DYNLT2B: variants seen among roughly 807,000 people sequenced by gnomAD.
The protein encoded by DYNLT2B is dynein light chain Tctex-type protein 2B.
DYNLT2B carries 14 observed loss-of-function variants against 19.5 expected under a neutral mutation model. The ratio of observed to expected loss-of-function variants is 0.72; its 90% CI spans 0.47 to 1.12. The LOEUF (loss-of-function observed/expected upper bound fraction) is 1.12. Ranked by LOEUF, DYNLT2B falls within the 50% of genes most tolerant of loss-of-function variation. The pLI is 0.00. For synonymous variants in DYNLT2B, 70 were observed against 59.7 expected, an observed-to-expected ratio of 1.17 and a Z score of -0.79; for missense variants, 133 against 174.7, an observed-to-expected ratio of 0.76 and a Z score of 1.35.
chr3:196,300,416 A>C (rs764183098), intron 3 of DYNLT2B, among the ~76,000 whole-genome samples: 16 of 152,214 alleles, frequency 1.1e-4, no homozygotes, highest in African/African-American at 3.6e-4. Context: ...CTTGGTTGAA[A>C]GACTTGGAGG....
rs1324704339 is a variant in DYNLT2B at position 196,293,770 on chromosome 3, G to A, written c.381+2236C>T. Among the ~76,000 whole-genome samples, 188 of 145,480 alleles carry A rather than the reference G, an allele frequency of 1.3e-3. 3 individuals are homozygous for A. Among genetic ancestry groups the A allele is most frequent in the Non-Finnish European group, 4.0e-4 (27 of 66,678 alleles). Reference sequence around the variant, plus strand: ...AGCAATTCTCCTGCCTCAGCCTCCCGAGTAGCTGGGATTACAGGCACCCAA... The same window carrying A: ...AGCAATTCTCCTGCCTCAGCCTCCCAAGTAGCTGGGATTACAGGCACCCAA... On this transcript the variant is annotated intron_variant, in intron 4 of 4. Coordinates refer to ENST00000325318, the MANE Select transcript of DYNLT2B (RefSeq NM_152773.5).
At chr3:196,302,048 G>A (rs947116204) in intron 3 of DYNLT2B, among the ~76,000 whole-genome samples, 2 of 150,780 alleles carry the variant, frequency 1.3e-5, no homozygotes, top group Non-Finnish European at 3.0e-5. Flanking sequence ...TGAAGGTTGC[G>A]ATGAGTCGAG....
intron 3 of DYNLT2B, among the ~76,000 whole-genome samples, chr3:196,298,459 G>A (rs1315705140): frequency 6.6e-6 from 1 of 151,804 alleles, no homozygotes; most frequent in Non-Finnish European, 1.5e-5. Flanking sequence ...GACTACACAC[G>A]TGCATTACCA....
At chr3:196,302,238 T>C (rs1726375479) in intron 3 of DYNLT2B, among the ~76,000 whole-genome samples, 1 of 150,362 alleles carries the variant, frequency 6.7e-6, no homozygotes, top group African/African-American at 2.5e-5. Context: ...GAGAGCGGAG[T>C]GGAAGGGGCA....
chr3:196,298,162 CT>C, intron 3 of DYNLT2B: 2 of 367,474 alleles, frequency 5.4e-6, no homozygotes, highest in Non-Finnish European at 1.1e-5. Flanking sequence ...GACGATTTGG[CT>C]TTTGTTTCTT....
chr3:196,299,470 G>C (rs916153997), intron 3 of DYNLT2B, among the ~76,000 whole-genome samples: 2 of 152,010 alleles, frequency 1.3e-5, no homozygotes, highest in African/African-American at 4.8e-5. Flanking sequence ...CAATCTGCCC[G>C]CCTTGGCCTT....
chr3:196,305,965 G>A (rs1726474399), intron 3 of DYNLT2B, among the ~76,000 whole-genome samples: 1 of 151,040 alleles, frequency 6.6e-6, no homozygotes, highest in South Asian at 2.1e-4. Flanking sequence ...GTTCTAGTCT[G>A]TAGTGTGTTA....
intron 3 of DYNLT2B, among the ~76,000 whole-genome samples, chr3:196,297,749 G>T (rs1222433964): frequency 6.6e-6 from 1 of 152,014 alleles, no homozygotes; most frequent in African/African-American, 2.4e-5. Flanking sequence ...GAGAAATTAA[G>T]TGTACAAGGT....
intron 4 of DYNLT2B, among the ~76,000 whole-genome samples, chr3:196,293,135 TG>T (rs1460784346): frequency 6.6e-6 from 1 of 151,682 alleles, no homozygotes; most frequent in Non-Finnish European, 1.5e-5. Flanking sequence ...ATTACAGGCG[TG>T]AGCCACCACA....
intron 2 of DYNLT2B, chr3:196,315,230 G>A (rs766583260): frequency 6.7e-5 from 28 of 416,242 alleles, no homozygotes; most frequent in Middle Eastern, 3.5e-4. Flanking sequence ...TTCTATTTAC[G>A]TTTTTTTAAT....
At chr3:196,292,298 C>T (rs1009650072) in intron 4 of DYNLT2B, 2 of 152,254 alleles carry the variant, frequency 1.3e-5, no homozygotes, top group African/African-American at 4.8e-5. Flanking sequence ...AACCTCACCT[C>T]CAGCCTGGTA....
Position 196,311,025 on chromosome 3 carries a change from G to A in DYNLT2B, c.248-4013C>T, listed in dbSNP as rs147812424. Among the ~76,000 whole-genome samples, 1,195 of 151,996 alleles carry A rather than the reference G, an allele frequency of 7.9e-3. 10 individuals carry two copies. The highest frequency in any genetic ancestry group is 0.02 in the Middle Eastern group (6 of 294). ...TGCTGGGATTACAGGTGTGAGCCAC[G>A]GCACCCAGCCTCAATCAGGTTATTA... On this transcript the variant is annotated intron_variant, in intron 2 of 4. Transcript: ENST00000325318.
At chr3:196,314,676 G>C (rs1355818485) in intron 2 of DYNLT2B, among the ~76,000 whole-genome samples, 3 of 151,510 alleles carry the variant, frequency 2.0e-5, no homozygotes, top group African/African-American at 7.3e-5. Flanking sequence ...TAAAAAATTA[G>C]CCAAGCACGG....
rs1018363075 is a variant in DYNLT2B at position 196,318,214 on chromosome 3, C to A, written c.-62G>T. The A allele has an allele frequency of 6.0e-6, 6 of 1,002,648 alleles. No individual in the cohort carries two copies. Among genetic ancestry groups the A allele is most frequent in the Admixed American group, 3.3e-5 (1 of 29,990 alleles). 62.1% of individuals were successfully genotyped at this position (1,002,648 alleles called of 1,614,324 possible). A position where few individuals can be genotyped will look rare whatever the true frequency, so the allele number is the denominator to read the frequency against. Reference sequence around the variant, plus strand: ...AGGCCTAGCGGGTTGCGGTCGCGGCCGGCAGCAGGGAAAGCGTCTCCAGGG... The same window carrying A: ...AGGCCTAGCGGGTTGCGGTCGCGGCAGGCAGCAGGGAAAGCGTCTCCAGGG... On this transcript the variant is annotated 5_prime_UTR_variant, in exon 1 of 5. Coordinates refer to ENST00000325318, the MANE Select transcript of DYNLT2B (RefSeq NM_152773.5).
chr3:196,314,468 G>GAAAAAAAA (rs1055569551), intron 2 of DYNLT2B, among the ~76,000 whole-genome samples: 1 of 63,450 alleles, frequency 1.6e-5, no homozygotes, highest in Non-Finnish European at 3.2e-5. Flanking sequence ...GTCTCAAAAA[G>GAAAAAAAA]AAAAAAAAAA....
intron 2 of DYNLT2B, among the ~76,000 whole-genome samples, chr3:196,309,650 G>A (rs537489759): frequency 1.3e-5 from 2 of 152,006 alleles, no homozygotes; most frequent in Middle Eastern, 6.8e-3. Context: ...AAGGAAGGAA[G>A]GAGCTGTGTA....
At chr3:196,298,827 G>A (rs1180482067) in intron 3 of DYNLT2B, among the ~76,000 whole-genome samples, 1 of 152,162 alleles carries the variant, frequency 6.6e-6, no homozygotes, top group Non-Finnish European at 1.5e-5. Flanking sequence ...TGAGAATCTG[G>A]GCCTTGCTCA....
intron 2 of DYNLT2B, among the ~76,000 whole-genome samples, chr3:196,314,845 A>C (rs73086675): frequency 0.018 from 2,690 of 152,096 alleles, 93 homozygotes; most frequent in African/African-American, 0.062. Context: ...ACAAAAAAAA[A>C]CAAAACAATC....
chr3:196,308,790 A>C (rs1394778778), intron 2 of DYNLT2B, among the ~76,000 whole-genome samples: 1 of 152,220 alleles, frequency 6.6e-6, no homozygotes, highest in African/African-American at 2.4e-5. Flanking sequence ...AACTCAGCTG[A>C]GCTTCCTCCT....
Sources: gnomAD v4.1 joint callset for allele counts (sites outside exome capture counted in the v4.1 genomes callset) on GRCh38, gnomAD v4.1.1 for gene constraint, MANE v1.5 for transcripts, NCBI Gene and HGNC (gene_info 2026-07-23, HGNC 2026-07-21) for gene names.